The following CACNA1C variants were observed in gnomAD, a reference collection of about 807,000 sequenced individuals.
The protein encoded by CACNA1C is calcium voltage-gated channel subunit alpha1 C, also known as voltage-dependent L-type calcium channel subunit alpha-1C.
In CACNA1C, 30 loss-of-function variants were observed where a neutral mutation model predicts 229.0. The observed-to-expected ratio is 0.13, with a 90% CI of 0.10 to 0.18. The LOEUF is 0.18. Ranked by LOEUF, CACNA1C falls within the 10% of genes least tolerant of loss-of-function variation. The probability of loss-of-function intolerance (pLI) is 1.00; values close to 1 mark genes in which losing one functional copy is unlikely to be tolerated. For missense variants in CACNA1C, 1,658 were observed against 2,845.0 expected (o/e 0.58, Z 9.49); for synonymous variants, 1,114 against 1,132.5 (o/e 0.98, Z 0.33).
chr12:2,011,708 C>T (rs1168266927), intron 1 of CACNA1C, among the ~76,000 whole-genome samples: 1 of 152,092 alleles, frequency 6.6e-6, no homozygotes, highest in Non-Finnish European at 1.5e-5. Flanking sequence ...GGAAAGCAGC[C>T]CATTAAAGAC....
intron 37 of CACNA1C, 30 bp from the exon 38 acceptor site, chr12:2,668,903 A>G (rs1176118724): frequency 6.6e-7 from 1 of 1,518,160 alleles, no homozygotes; most frequent in South Asian, 1.1e-5. Context: ...GCCTGCCATC[A>G]TCACCAGCTT....
Position 2,488,672 on chromosome 12 carries a change from C to A in CACNA1C, c.916+2410C>A, listed in dbSNP as rs1299368289. 6.6e-6 allele frequency among the ~76,000 whole-genome samples: 1 copy of A among 152,182 alleles called. No homozygotes were observed. Among genetic ancestry groups the A allele is most frequent in the Admixed American group, 6.5e-5 (1 of 15,288 alleles). Reference sequence around the variant, plus strand: ...TCCCATCACAGAAATGGCCATGAGCCAAGGGGGCCAGGACAACAGCAGAAG... The same window carrying A: ...TCCCATCACAGAAATGGCCATGAGCAAAGGGGGCCAGGACAACAGCAGAAG... On this transcript the variant is annotated intron_variant, in intron 6 of 46. Transcript: ENST00000399655. The surrounding 1 kb of genome is among the most constrained non-coding windows in gnomAD (Gnocchi z 4.0).
chr12:2,330,615 C>T (rs1469982014), intron 3 of CACNA1C, among the ~76,000 whole-genome samples: 3 of 152,150 alleles, frequency 2.0e-5, no homozygotes. Flanking sequence ...TTCCAATGTC[C>T]TAAATTATGT....
rs953975710 is a variant in CACNA1C, at chr12:2,512,258, C to T, written c.1218-554C>T. 1.5e-4 allele frequency among the ~76,000 whole-genome samples: 23 copies of T among 152,216 alleles called. No homozygotes were observed. Among genetic ancestry groups the T allele is most frequent in the Admixed American group, 9.1e-4 (14 of 15,302 alleles). On this transcript the variant is annotated intron_variant, in intron 8 of 46. Transcript: ENST00000399655. This position sits in a 1 kb window ranked among gnomAD's most constrained non-coding sequence, Gnocchi z 4.3. Reference sequence around the variant, plus strand: ...ACTGTGGCCGATCTCAAGCTACCAGCGAGACATCCCTGAAGCCAGAGTTGG... The same window carrying T: ...ACTGTGGCCGATCTCAAGCTACCAGTGAGACATCCCTGAAGCCAGAGTTGG...
Position 2,329,662 on chromosome 12 carries a change from G to A in CACNA1C, c.478-119314G>A, listed in dbSNP as rs185209031. Among the ~76,000 whole-genome samples the A allele has an allele frequency of 1.2e-4, 19 of 152,300 alleles. No homozygotes were observed. The East Asian group carries it at 3.5e-3, about 28-fold the overall frequency. On this transcript the variant is annotated intron_variant, in intron 3 of 46. Coordinates refer to ENST00000399655, the MANE Select transcript of CACNA1C (RefSeq NM_000719.7). The stretch of plus-strand genomic sequence containing the variant: ...AGGAACCGTTTTTGCTGCTATAGAT[G>A]TTGTGTGGTTGTGTGATTATGGGGA...
intron 1 of CACNA1C, chr12:2,004,623 C>G (rs2043028874): frequency 2.6e-6 from 2 of 761,058 alleles, no homozygotes; most frequent in Non-Finnish European, 4.1e-6. Flanking sequence ...CCGCGCCCCG[C>G]CCACTGAGGA....
chr12:2,397,378 T>C (rs961542478), intron 3 of CACNA1C, among the ~76,000 whole-genome samples: 1 of 152,250 alleles, frequency 6.6e-6, no homozygotes, highest in African/African-American at 2.4e-5. Context: ...GGGAGCTCAG[T>C]TGAGTGACAG....
chr12:2,449,254 AT>A, intron 4 of CACNA1C, 139 bp downstream of exon 4: 1 of 595,004 alleles, frequency 1.7e-6, no homozygotes. Context: ...GAAAAATGAG[AT>A]TTATTTTGCT....
At chr12:2,185,001 T>A (rs1389295258) in intron 3 of CACNA1C, among the ~76,000 whole-genome samples, 1 of 152,202 alleles carries the variant, frequency 6.6e-6, no homozygotes, top group Non-Finnish European at 1.5e-5. Flanking sequence ...CAGGCCCTAC[T>A]GGCAGCCATG....
intron 3 of CACNA1C, among the ~76,000 whole-genome samples, chr12:2,336,058 C>G (rs2096685361): frequency 6.6e-6 from 1 of 150,432 alleles, no homozygotes; most frequent in South Asian, 2.1e-4. Context: ...TAAGCATCCT[C>G]TTTGTTCCTC....
chr12:2,184,283 T>G (rs1004416814), intron 3 of CACNA1C, among the ~76,000 whole-genome samples: 10 of 152,236 alleles, frequency 6.6e-5, no homozygotes, highest in African/African-American at 2.4e-4. Flanking sequence ...GTAACTTGCT[T>G]TCTTTATTCT....
chr12:1,971,207 A>C lies in CACNA1C; in HGVS notation c.139+6A>C. On this transcript the variant is annotated splice_donor_region_variant and intron_variant, in intron 1 of 46. Transcript: ENST00000682462. This position sits in a 1 kb window ranked among gnomAD's most constrained non-coding sequence, Gnocchi z 4.2. Reference sequence around the variant, plus strand: ...TTTCTACATCTCTCCTGGAGGTAAGAAACCCTAAAGTGAAATAAAGAGTAG... The same window carrying C: ...TTTCTACATCTCTCCTGGAGGTAAGCAACCCTAAAGTGAAATAAAGAGTAG... 7.8e-7 allele frequency: 1 copy of C among 1,283,828 alleles called. No individual in the cohort carries two copies. The highest frequency in any genetic ancestry group is 1.0e-6 in the Non-Finnish European group (1 of 983,784). 79.5% of individuals were successfully genotyped at this position (1,283,828 alleles called of 1,614,324 possible). A position where few individuals can be genotyped will look rare whatever the true frequency, so the allele number is the denominator to read the frequency against.
intron 1 of CACNA1C, among the ~76,000 whole-genome samples, chr12:2,071,869 A>C (rs565652742): frequency 6.6e-6 from 1 of 152,148 alleles, no homozygotes; most frequent in South Asian, 2.1e-4. Flanking sequence ...ATGATTTCAC[A>C]ATATGTGCGT....
chr12:2,500,444 G>T (rs541004204), intron 7 of CACNA1C, among the ~76,000 whole-genome samples: 1 of 152,300 alleles, frequency 6.6e-6, no homozygotes, highest in Non-Finnish European at 1.5e-5. Flanking sequence ...GAGGTTAAAT[G>T]TTCACAAAAT....
intron 18 of CACNA1C, 149 bp from the exon 19 acceptor site, chr12:2,593,064 C>T: frequency 1.2e-6 from 1 of 811,630 alleles, no homozygotes; most frequent in Non-Finnish European, 1.9e-6. Context: ...GCTGCAGCAG[C>T]ACCCACAGGG....
chr12:2,095,246 C>G (rs2073332665), intron 1 of CACNA1C, among the ~76,000 whole-genome samples: 1 of 152,198 alleles, frequency 6.6e-6, no homozygotes, highest in South Asian at 2.1e-4. Flanking sequence ...TTTTTCTTTC[C>G]TGTCTTCATA....
chr12:2,106,460 GTGT>G (rs2078653547), intron 1 of CACNA1C, among the ~76,000 whole-genome samples: 1 of 87,822 alleles, frequency 1.1e-5, no homozygotes, highest in East Asian at 3.8e-4. Flanking sequence ...CTCAGCTGGG[GTGT>G]CCTGAAGCCA....
intron 3 of CACNA1C, among the ~76,000 whole-genome samples, chr12:2,381,002 G>A (rs1424994728): frequency 6.6e-6 from 1 of 152,202 alleles, no homozygotes. Flanking sequence ...TGTGAAAGAA[G>A]AGAAGCAATT....
intron 3 of CACNA1C, among the ~76,000 whole-genome samples, chr12:2,358,361 T>C (rs1420207069): frequency 6.6e-6 from 1 of 151,916 alleles, no homozygotes; most frequent in Non-Finnish European, 1.5e-5. Flanking sequence ...GGCATTCATA[T>C]TCAGCAAATG....
Sources: gnomAD v4.1 joint callset for allele counts (sites outside exome capture counted in the v4.1 genomes callset) on GRCh38, gnomAD v4.1.1 for gene constraint, Gnocchi (gnomAD v3.1) non-coding constraint, MANE v1.5 for transcripts, NCBI Gene and HGNC (gene_info 2026-07-23, HGNC 2026-07-21) for gene names.